The following PLXDC2 variants were observed in gnomAD, a reference collection of about 807,000 sequenced individuals.
The protein encoded by PLXDC2 is plexin domain-containing protein 2.
In PLXDC2, 40 loss-of-function variants were observed where a neutral mutation model predicts 68.9. The ratio of observed to expected loss-of-function variants is 0.58; its 90% CI spans 0.45 to 0.76. PLXDC2 has a LOEUF of 0.76. Among genes scored for constraint, PLXDC2 ranks in the 30% least tolerant of loss-of-function variants. The pLI is 0.00. For missense variants in PLXDC2, 644 were observed against 661.9 expected (o/e 0.97, Z 0.30); for synonymous variants, 243 against 234.2 (o/e 1.04, Z -0.34).
chr10:19,982,699 G>C lies in PLXDC2; in HGVS notation c.113-19076G>C, dbSNP rs187805230. ...TTTTGAGATGTCTACCCAGCATCTA[G>C]TAAACATGCCTTTATATCTTTAAAA... On this transcript the variant is annotated intron_variant, in intron 1 of 13. Transcript: ENST00000377252. Among the ~76,000 whole-genome samples, 206 of 152,134 alleles carry C rather than the reference G, an allele frequency of 1.4e-3. 1 individual carries two copies. The highest frequency in any genetic ancestry group is 4.8e-3 in the African/African-American group (200 of 41,490).
chr10:20,089,107 G>A (rs530513914), intron 4 of PLXDC2, among the ~76,000 whole-genome samples: 62 of 150,436 alleles, frequency 4.1e-4, no homozygotes, highest in African/African-American at 1.4e-3. Context: ...GTCAAAATAC[G>A]GAACATTAAC....
At chr10:19,908,687 T>C (rs1833213869) in intron 1 of PLXDC2, among the ~76,000 whole-genome samples, 1 of 152,178 alleles carries the variant, frequency 6.6e-6, no homozygotes, top group African/African-American at 2.4e-5. Flanking sequence ...AGTGGTGCTA[T>C]GGCTTACCTG....
intron 1 of PLXDC2, among the ~76,000 whole-genome samples, chr10:19,984,693 G>C (rs760295227): frequency 1.3e-5 from 2 of 152,152 alleles, no homozygotes; most frequent in Non-Finnish European, 2.9e-5. Flanking sequence ...AGACACAGGA[G>C]AAATAGAATT....
At chr10:19,830,248 C>G (rs1260635652) in intron 1 of PLXDC2, among the ~76,000 whole-genome samples, 3 of 152,160 alleles carry the variant, frequency 2.0e-5, no homozygotes, top group African/African-American at 7.2e-5. Context: ...ACTTGGTAGC[C>G]TTTTAAATAT....
At chr10:20,259,588 G>C (rs934089839) in intron 13 of PLXDC2, among the ~76,000 whole-genome samples, 6 of 152,186 alleles carry the variant, frequency 3.9e-5, no homozygotes, top group African/African-American at 1.2e-4. Flanking sequence ...CACAAGACCT[G>C]AATGTTGTTG....
At chr10:20,043,264 G>C (rs765488920) in intron 2 of PLXDC2, 1 of 152,118 alleles carries the variant, frequency 6.6e-6, no homozygotes, top group Non-Finnish European at 1.5e-5. Flanking sequence ...AACTTGGCAA[G>C]CGTGGGCTCT....
At chr10:19,966,836 T>G (rs907038915) in intron 1 of PLXDC2, among the ~76,000 whole-genome samples, 29 of 151,838 alleles carry the variant, frequency 1.9e-4, no homozygotes, top group Non-Finnish European at 3.4e-4. Flanking sequence ...CATGCTTCCC[T>G]CACATATCCT....
At position 20,287,899 on chromosome 10, in the gene PLXDC2, C is replaced by T. The variant is rs1036230836; in HGVS notation, c.*8080C>T. On this transcript the variant is annotated 3_prime_UTR_variant, in exon 14 of 14. Transcript: ENST00000377252. The stretch of plus-strand genomic sequence containing the variant: ...GGGAACTTCGAATGCCAGGAATTTA[C>T]TACTGTTTCTGGTAATTCTGTGTGT... 7.3e-6 allele frequency: 1 copy of T among 136,520 alleles called. No homozygotes were observed. Among genetic ancestry groups the T allele is most frequent in the Non-Finnish European group, 1.5e-5 (1 of 66,264 alleles). The allele number at this position is 136,520 out of a possible 1,614,324, so 8.5% of individuals were successfully genotyped here.
chr10:20,126,104 A>G (rs1339956329), intron 4 of PLXDC2, among the ~76,000 whole-genome samples: 1 of 147,886 alleles, frequency 6.8e-6, no homozygotes, highest in Non-Finnish European at 1.5e-5. Context: ...AAACATCAAT[A>G]TGTATGTTTT....
intron 12 of PLXDC2, among the ~76,000 whole-genome samples, chr10:20,237,980 C>G (rs1048520967): frequency 2.3e-4 from 35 of 152,034 alleles, no homozygotes; most frequent in African/African-American, 8.2e-4. Context: ...ATAGTAGCTA[C>G]AGATCATTTT....
At position 19,937,252 on chromosome 10, in the gene PLXDC2, C is replaced by T. The variant is rs79666689; in HGVS notation, c.113-64523C>T. Among the ~76,000 whole-genome samples the T allele has an allele frequency of 4.0e-3, 613 of 152,120 alleles. 4 individuals carry two copies. Among genetic ancestry groups the T allele is most frequent in the African/African-American group, 0.014 (594 of 41,518 alleles). ...CCAGAAATTAAATGTAGTCATCTTT[C>T]GCATGTCATGGATGGTCTTAGTCCC... On this transcript the variant is annotated intron_variant, in intron 1 of 13. Coordinates refer to ENST00000377252, the MANE Select transcript of PLXDC2 (RefSeq NM_032812.9).
intron 2 of PLXDC2, among the ~76,000 whole-genome samples, chr10:20,014,146 A>T (rs1835162800): frequency 6.6e-6 from 1 of 152,160 alleles, no homozygotes; most frequent in African/African-American, 2.4e-5. Flanking sequence ...AGGAAATAAC[A>T]TGATTTAGTA....
intron 13 of PLXDC2, among the ~76,000 whole-genome samples, chr10:20,249,996 G>A (rs957389231): frequency 5.3e-5 from 8 of 152,038 alleles, no homozygotes; most frequent in South Asian, 4.1e-4. Flanking sequence ...GGCCGGGAGC[G>A]GTGGCTCACG....
At chr10:19,978,147 T>G (rs1362210564) in intron 1 of PLXDC2, among the ~76,000 whole-genome samples, 1 of 152,174 alleles carries the variant, frequency 6.6e-6, no homozygotes, top group African/African-American at 2.4e-5. Flanking sequence ...CCATTTTATT[T>G]GTTTTATGGG....
chr10:20,266,359 TG>T (rs200023104), intron 13 of PLXDC2, among the ~76,000 whole-genome samples: 1 of 148,602 alleles, frequency 6.7e-6, no homozygotes, highest in African/African-American at 2.5e-5. Context: ...ATGAAATTGT[TG>T]GGGAAAAAAA....
intron 1 of PLXDC2, among the ~76,000 whole-genome samples, chr10:19,970,895 A>G (rs1834340826): frequency 6.6e-6 from 1 of 152,176 alleles, no homozygotes; most frequent in Non-Finnish European, 1.5e-5. Flanking sequence ...AATCTAGACT[A>G]AACATGTTCT....
At chr10:19,829,988 T>G (rs967298847) in intron 1 of PLXDC2, among the ~76,000 whole-genome samples, 1 of 152,172 alleles carries the variant, frequency 6.6e-6, no homozygotes, top group Non-Finnish European at 1.5e-5. Flanking sequence ...AGGACAAGAT[T>G]TTAATCCTCT....
intron 4 of PLXDC2, among the ~76,000 whole-genome samples, chr10:20,069,248 G>T (rs1011186617): frequency 1.6e-4 from 24 of 152,146 alleles, no homozygotes; most frequent in African/African-American, 5.3e-4. Context: ...GTAACTGGAA[G>T]TTTTTTGAGC....
chr10:20,068,189 A>G lies in PLXDC2; in HGVS notation c.491A>G (p.Asp164Gly), dbSNP rs764685614. Residue 164 changes from aspartate to glycine, a missense_variant, in exon 4 of 14, where the codon GAT becomes GGT. By Grantham distance (94) the Asp-to-Gly change is moderately conservative (BLOSUM62 -1). This residue lies in a region of PLXDC2 where 113 missense variants were observed against 167.1 expected (regional missense o/e 0.68). Transcript: ENST00000377252. ...TTGCAGAGAGTGAATCTGTCCTTCG[A>G]TTTTCCATTTTATGGCCACTTCCTA... ...RQAARVNLSF[D>G]FPFYGHFLRE... 3.1e-6 allele frequency: 5 copies of G among 1,613,078 alleles called. No individual in the cohort carries two copies. Among genetic ancestry groups the G allele is most frequent in the South Asian group, 1.1e-5 (1 of 91,014 alleles).
Sources: gnomAD v4.1 joint callset for allele counts (sites outside exome capture counted in the v4.1 genomes callset) on GRCh38, gnomAD v4.1.1 for gene constraint, gnomAD v4.1.1 regional missense constraint, MANE v1.5 for transcripts, NCBI Gene and HGNC (gene_info 2026-07-23, HGNC 2026-07-21) for gene names.